Variants in SLC6A3 observed in about 807,000 individuals in gnomAD.
SLC6A3 encodes the protein solute carrier family 6 member 3.
In SLC6A3, 19 loss-of-function variants were observed where a neutral mutation model predicts 70.4. That is an observed-to-expected ratio of 0.27 (90% CI 0.19 to 0.40). The LOEUF (loss-of-function observed/expected upper bound fraction) is 0.40, where lower values mean the gene tolerates loss of function less well. SLC6A3 is among the 10% of genes least tolerant of loss of function. SLC6A3 has a pLI of 1.00. For synonymous variants in SLC6A3, 368 were observed against 356.6 expected (o/e 1.03, Z -0.36); for missense variants, 613 against 838.5 (o/e 0.73, Z 3.32).
chr5:1,430,526 C>G (rs1211532769), intron 4 of SLC6A3, among the ~76,000 whole-genome samples: 2 of 152,210 alleles, frequency 1.3e-5, no homozygotes, highest in Non-Finnish European at 2.9e-5. Flanking sequence ...AGAACTGGTC[C>G]CTTTCCGGCA....
rs1755628260 is a variant in SLC6A3, at chr5:1,393,431, A to T, written c.*1304T>A. ...CATTCTTGAATTTGTTTTGATTCAC[A>T]GGTAAATATGATTTTAAAAAGCCAT... is the stretch of plus-strand genomic sequence containing the variant. On this transcript the variant is annotated 3_prime_UTR_variant, in exon 15 of 15. Transcript: ENST00000270349. The T allele has an allele frequency of 6.5e-6, 1 of 152,920 alleles. No homozygotes were observed. 9.5% of individuals were successfully genotyped at this position (152,920 alleles called of 1,614,324 possible). A position where few individuals can be genotyped will look rare whatever the true frequency, so the allele number is the denominator to read the frequency against.
Position 1,409,038 on chromosome 5 carries a change from C to A in SLC6A3, c.1486G>T (p.Ala496Ser). 6.2e-7 allele frequency: 1 copy of A among 1,611,790 alleles called. No homozygotes were observed. The highest frequency in any genetic ancestry group is 8.5e-7 in the Non-Finnish European group (1 of 1,178,982). ...FGVLIEAIGVAWFYGVGQFSD... is the reference protein window; with the variant it reads ...FGVLIEAIGVSWFYGVGQFSD... ...CCCCCGGACTCACCATAGAACCAGG[C>A]CACTCCGATGGCTTCGATGAGCACT... Residue 496 changes from alanine to serine, a missense_variant, in exon 11 of 15, where the codon GCC becomes TCC. Coordinates refer to ENST00000270349, the MANE Select transcript of SLC6A3 (RefSeq NM_001044.5).
chr5:1,396,107 G>C lies in SLC6A3; in HGVS notation c.1840-1349C>G, dbSNP rs1009268416. Reference sequence around the variant, plus strand: ...TTTCACAAGAAACAGCAGAGCACACGCAGCTTCCAGAGATGAAGTAGAAAA... The same window carrying C: ...TTTCACAAGAAACAGCAGAGCACACCCAGCTTCCAGAGATGAAGTAGAAAA... On this transcript the variant is annotated intron_variant, in intron 14 of 14. Transcript: ENST00000270349. This position sits in a 1 kb window ranked among gnomAD's most constrained non-coding sequence, Gnocchi z 7.0. Among the ~76,000 whole-genome samples the C allele has an allele frequency of 6.6e-6, 1 of 152,280 alleles. No homozygotes were observed. The highest frequency in any genetic ancestry group is 6.5e-5 in the Admixed American group (1 of 15,296).
At chr5:1,409,296 A>G (rs1241409778) in intron 10 of SLC6A3, among the ~76,000 whole-genome samples, 171 bp from the exon 11 acceptor site, 1 of 152,228 alleles carries the variant, frequency 6.6e-6, no homozygotes, top group Non-Finnish European at 1.5e-5. Flanking sequence ...TACAAAAAAT[A>G]AAAATAAAAA....
chr5:1,410,103 T>C (rs963322978), intron 9 of SLC6A3, among the ~76,000 whole-genome samples: 3 of 152,180 alleles, frequency 2.0e-5, no homozygotes, highest in African/African-American at 7.2e-5. Context: ...GCCTCTTCGA[T>C]GTCTCTGGGT....
chr5:1,400,659 T>G (rs1377926503), intron 14 of SLC6A3, among the ~76,000 whole-genome samples: 2 of 152,172 alleles, frequency 1.3e-5, no homozygotes, highest in African/African-American at 4.8e-5. Context: ...GCCCAGGTCT[T>G]TGCAGGGACC....
chr5:1,431,090 C>T (rs754907881), intron 4 of SLC6A3, among the ~76,000 whole-genome samples: 11 of 152,244 alleles, frequency 7.2e-5, no homozygotes, highest in East Asian at 3.8e-4. Context: ...TCCAAAATGA[C>T]GGCTGAGTCG....
chr5:1,411,938 G>A lies in SLC6A3; in HGVS notation c.1157-583C>T, dbSNP rs59259604. 0.024 allele frequency among the ~76,000 whole-genome samples: 3,669 copies of A among 150,822 alleles called. 177 individuals carry two copies. Among genetic ancestry groups the A allele is most frequent in the African/African-American group, 0.086 (3,497 of 40,446 alleles). The stretch of plus-strand genomic sequence containing the variant: ...CACAGACACATGCGCGCACATGCAC[G>A]AACACTCATTTGTGCATTCAAACTC... On this transcript the variant is annotated intron_variant, in intron 8 of 14. Coordinates refer to ENST00000270349, the MANE Select transcript of SLC6A3 (RefSeq NM_001044.5). This position sits in a 1 kb window ranked among gnomAD's most constrained non-coding sequence, Gnocchi z 6.5.
At chr5:1,419,132 T>C (rs544434161) in intron 6 of SLC6A3, among the ~76,000 whole-genome samples, 2 of 149,360 alleles carry the variant, frequency 1.3e-5, no homozygotes, top group African/African-American at 5.0e-5. Context: ...CATCATCCAT[T>C]CATCCATCCA....
At position 1,402,706 on chromosome 5, in the gene SLC6A3, A is replaced by G. The variant is rs1755877875; in HGVS notation, c.1767+216T>C. Among the ~76,000 whole-genome samples, 1 of 152,122 alleles carries G rather than the reference A, an allele frequency of 6.6e-6. No homozygotes were observed. Among genetic ancestry groups the G allele is most frequent in the Admixed American group, 6.5e-5 (1 of 15,280 alleles). ...CAGACATGTGGACATACTTAAAGAC[A>G]CACACATGAATACACATATGGACGC... On this transcript the variant is annotated intron_variant, in intron 13 of 14. Coordinates refer to ENST00000270349, the MANE Select transcript of SLC6A3 (RefSeq NM_001044.5). This position sits in a 1 kb window ranked among gnomAD's most constrained non-coding sequence, Gnocchi z 8.5.
In SLC6A3 at chr5:1,400,996, A is replaced by G. The variant is rs774480676; in HGVS notation, c.1768-10T>C. 6.3e-7 allele frequency: 1 copy of G among 1,588,974 alleles called. No individual in the cohort carries two copies. The highest frequency in any genetic ancestry group is 8.6e-7 in the Non-Finnish European group (1 of 1,164,894). On this transcript the variant is annotated splice_polypyrimidine_tract_variant and intron_variant, in intron 13 of 14. Transcript: ENST00000270349. The stretch of plus-strand genomic sequence containing the variant: ...TGGCGTAGGCCAGTTTCTGAAAGAG[A>G]AAGAGAGTGCAGGGGTCAGTGCAGA...
At chr5:1,409,621 G>A (rs987519260) in intron 10 of SLC6A3, 100 bp downstream of exon 10, 21 of 1,412,012 alleles carry the variant, frequency 1.5e-5, no homozygotes, top group Non-Finnish European at 2.1e-5. Flanking sequence ...CCCTGGAAGT[G>A]CTGCGGTTCT....
intron 6 of SLC6A3, among the ~76,000 whole-genome samples, chr5:1,419,653 GC>G (rs1392630808): frequency 2.0e-5 from 3 of 152,100 alleles, no homozygotes; most frequent in African/African-American, 7.2e-5. Flanking sequence ...GCACTTGTGG[GC>G]CCCCGGCCAC....
chr5:1,423,584 T>C (rs1756512565), intron 4 of SLC6A3, among the ~76,000 whole-genome samples: 1 of 152,198 alleles, frequency 6.6e-6, no homozygotes, highest in Non-Finnish European at 1.5e-5. Context: ...AGTTCCACTG[T>C]TTTTTGAAGG....
At chr5:1,418,684 T>TCCATCATCCACCAATCCAC (rs1756363307) in intron 6 of SLC6A3, among the ~76,000 whole-genome samples, 2 of 149,936 alleles carry the variant, frequency 1.3e-5, no homozygotes, top group Admixed American at 1.3e-4. Flanking sequence ...CACCCATCTG[T>TCCATCATCCACCAATCCAC]CCATCATCCA....
In SLC6A3 at chr5:1,431,213, G is replaced by T. The variant is rs536518692; in HGVS notation, c.653+1251C>A. On this transcript the variant is annotated intron_variant, in intron 4 of 14. Transcript: ENST00000270349. The stretch of plus-strand genomic sequence containing the variant: ...TCCAGATTCCGGGAGGGGTCCAGGG[G>T]AAACAGGGAACCCCTGGGTGTCAGT... 9.8e-5 allele frequency among the ~76,000 whole-genome samples: 15 copies of T among 152,376 alleles called. No individual in the cohort carries two copies. In the South Asian group the frequency reaches 3.1e-3, roughly 32 times the overall value.
intron 3 of SLC6A3, among the ~76,000 whole-genome samples, chr5:1,435,215 T>G (rs897569107): frequency 6.6e-6 from 1 of 152,264 alleles, no homozygotes; most frequent in Non-Finnish European, 1.5e-5. Flanking sequence ...GGCTGGGTTG[T>G]GATCCACAGT....
intron 3 of SLC6A3, among the ~76,000 whole-genome samples, chr5:1,439,911 C>T (rs1368754537): frequency 6.6e-6 from 1 of 152,178 alleles, no homozygotes; most frequent in African/African-American, 2.4e-5. Context: ...GGGGAACGAC[C>T]CCGGCCCTCT....
chr5:1,414,848 A>G (rs757092060), intron 7 of SLC6A3, 33 bp from the exon 8 acceptor site: 2 of 1,612,438 alleles, frequency 1.2e-6, no homozygotes, highest in East Asian at 2.2e-5. Context: ...CTCAGGAACC[A>G]GCTGAGCTGC....
Sources: allele counts gnomAD v4.1 joint callset (sites outside exome capture counted in the v4.1 genomes callset), GRCh38; gene constraint gnomAD v4.1.1; non-coding constraint Gnocchi (gnomAD v3.1); transcripts MANE v1.5; gene names NCBI Gene and HGNC (gene_info 2026-07-23, HGNC 2026-07-21).